ITGB5: variants seen among roughly 807,000 people sequenced by gnomAD.
ITGB5 encodes the protein integrin subunit beta 5.
Under a neutral mutation model 84.8 loss-of-function variants are expected in ITGB5, and 38 were observed. The observed-to-expected ratio is 0.45, with a 90% CI of 0.35 to 0.59. The LOEUF is 0.59. Among genes scored for constraint, ITGB5 ranks in the 20% least tolerant of loss-of-function variants. The probability of loss-of-function intolerance (pLI) is 0.01; values close to 1 mark genes in which losing one functional copy is unlikely to be tolerated. For missense variants in ITGB5, 905 were observed against 1,034.5 expected (o/e 0.87, Z 1.72); for synonymous variants, 393 against 414.4 (o/e 0.95, Z 0.63).
At chr3:124,858,701 C>T (rs1284399273) in intron 3 of ITGB5, among the ~76,000 whole-genome samples, 4 of 152,064 alleles carry the variant, frequency 2.6e-5, no homozygotes, top group East Asian at 1.9e-4. Context: ...AGTTCAGAGT[C>T]GGAAAGTAGA....
At chr3:124,768,615 C>T (rs2063799155) in intron 12 of ITGB5, among the ~76,000 whole-genome samples, 1 of 152,168 alleles carries the variant, frequency 6.6e-6, no homozygotes, top group Admixed American at 6.5e-5. Context: ...TATAGATGGA[C>T]CACACTTTGT....
At chr3:124,797,233 A>G (rs1308782895) in intron 9 of ITGB5, among the ~76,000 whole-genome samples, 2 of 152,072 alleles carry the variant, frequency 1.3e-5, no homozygotes, top group East Asian at 3.9e-4. Flanking sequence ...TGGTGGAAAA[A>G]CATTTCCTGG....
chr3:124,853,385 A>T (rs2065182843), intron 3 of ITGB5, among the ~76,000 whole-genome samples: 1 of 151,974 alleles, frequency 6.6e-6, no homozygotes, highest in Non-Finnish European at 1.5e-5. Context: ...TAGAACAAGG[A>T]TGCCAGGCTG....
At chr3:124,772,654 G>A (rs1038531990) in intron 11 of ITGB5, among the ~76,000 whole-genome samples, 1 of 152,038 alleles carries the variant, frequency 6.6e-6, no homozygotes, top group Non-Finnish European at 1.5e-5. Context: ...TGCTTTCCAG[G>A]GGCATCATTC....
intron 5 of ITGB5, among the ~76,000 whole-genome samples, chr3:124,830,451 G>A (rs755328620): frequency 6.6e-6 from 1 of 152,240 alleles, no homozygotes; most frequent in Non-Finnish European, 1.5e-5. Flanking sequence ...CTTAGAGGGT[G>A]CACTGCTGAG....
chr3:124,790,462 G>A (rs1475461182), intron 10 of ITGB5, among the ~76,000 whole-genome samples: 1 of 148,960 alleles, frequency 6.7e-6, no homozygotes, highest in Non-Finnish European at 1.5e-5. Flanking sequence ...TATCAGAACC[G>A]CCTTTGACTA....
Position 124,821,480 on chromosome 3 carries a change from G to A in ITGB5, c.781-6C>T, listed in dbSNP as rs755840593. 1 of 1,614,078 alleles carries A rather than the reference G, an allele frequency of 6.2e-7. No homozygotes were observed. Among genetic ancestry groups the A allele is most frequent in the South Asian group, 1.1e-5 (1 of 91,080 alleles). On this transcript the variant is annotated splice_polypyrimidine_tract_variant and splice_region_variant and intron_variant, in intron 5 of 14. Transcript: ENST00000296181. ...TTTCGCCAGCCAATCTTCTCCTGAA[G>A]GACAGAAGGTGGATGGGTACACCAG...
chr3:124,837,209 G>A (rs2064947252), intron 5 of ITGB5, among the ~76,000 whole-genome samples: 1 of 152,356 alleles, frequency 6.6e-6, no homozygotes, highest in Middle Eastern at 3.4e-3. Flanking sequence ...CCTAGGCCAA[G>A]GGCGTGCCCT....
chr3:124,813,801 G>A (rs902526738), intron 8 of ITGB5, among the ~76,000 whole-genome samples: 1 of 152,088 alleles, frequency 6.6e-6, no homozygotes, highest in African/African-American at 2.4e-5. Flanking sequence ...GGGCATGACT[G>A]GTCACATCTC....
chr3:124,854,487 A>G (rs1475311379), intron 3 of ITGB5, among the ~76,000 whole-genome samples: 1 of 152,236 alleles, frequency 6.6e-6, no homozygotes, highest in Non-Finnish European at 1.5e-5. Flanking sequence ...CATGTTGCTA[A>G]GTGAAAGAAA....
chr3:124,796,708 G>A lies in ITGB5; in HGVS notation c.1373C>T (p.Thr458Ile). ...GFRDSLEVGV[T>I]YNCTCGCSVG... ...GCTGCAGCCGCACGTGCAGTTGTAG[G>A]TGACCCCCACCTCCAGGCTGTCCCG... The change falls in exon 10 of 15, where the codon ACC becomes ATC. Residue 458 changes from threonine (T) to isoleucine (I), a missense_variant. Transcript: ENST00000296181. 3.1e-6 allele frequency: 5 copies of A among 1,614,040 alleles called. No individual in the cohort carries two copies. Among genetic ancestry groups the A allele is most frequent in the Non-Finnish European group, 4.2e-6 (5 of 1,180,026 alleles).
At chr3:124,820,174 G>T (rs1025700139) in intron 6 of ITGB5, among the ~76,000 whole-genome samples, 7 of 152,176 alleles carry the variant, frequency 4.6e-5, no homozygotes, top group Non-Finnish European at 8.8e-5. Flanking sequence ...CTAGAGAACA[G>T]CCACCACATC....
chr3:124,820,407 G>A (rs571975400), intron 6 of ITGB5, among the ~76,000 whole-genome samples: 63 of 152,344 alleles, frequency 4.1e-4, no homozygotes, highest in African/African-American at 1.4e-3. Flanking sequence ...AGAGGAAGAA[G>A]AGAGGAAGCT....
chr3:124,831,901 G>C lies in ITGB5; in HGVS notation c.780+9482C>G, dbSNP rs573617953. ...CAAGCCCAAGGGAGAAGAGCCGATG[G>C]GTCTGAGACACCCTCCAAATTAGGA... On this transcript the variant is annotated intron_variant, in intron 5 of 14. Coordinates refer to ENST00000296181, the MANE Select transcript of ITGB5 (RefSeq NM_002213.5). Among the ~76,000 whole-genome samples, 30 of 152,246 alleles carry C rather than the reference G, an allele frequency of 2.0e-4. No homozygotes were observed. The South Asian group carries it at 2.9e-3, about 15-fold the overall frequency.
chr3:124,809,842 C>T (rs1221847386), intron 8 of ITGB5, among the ~76,000 whole-genome samples: 1 of 152,046 alleles, frequency 6.6e-6, no homozygotes, highest in East Asian at 1.9e-4. Flanking sequence ...CTATTATTTC[C>T]CAACACTAAG....
chr3:124,764,112 GCT>G (rs1172684639), intron 14 of ITGB5, among the ~76,000 whole-genome samples: 1 of 152,146 alleles, frequency 6.6e-6, no homozygotes, highest in Non-Finnish European at 1.5e-5. Context: ...GTTGGTCTGT[GCT>G]CTCTCTGAGA....
intron 5 of ITGB5, among the ~76,000 whole-genome samples, chr3:124,829,355 G>GCGCGT (rs1263658608): frequency 6.6e-6 from 1 of 152,250 alleles, no homozygotes; most frequent in Non-Finnish European, 1.5e-5. Context: ...AGCGTTAGGA[G>GCGCGT]CGCGTGGGGC....
At chr3:124,846,516 T>C (rs1255968624) in intron 4 of ITGB5, among the ~76,000 whole-genome samples, 4 of 151,730 alleles carry the variant, frequency 2.6e-5, no homozygotes, top group African/African-American at 9.7e-5. Context: ...TAACCTACCA[T>C]GATCCTCAGG....
intron 1 of ITGB5, among the ~76,000 whole-genome samples, chr3:124,874,003 A>G (rs1934183809): frequency 6.6e-6 from 1 of 152,002 alleles, no homozygotes; most frequent in Non-Finnish European, 1.5e-5. Context: ...TCCCAGGAAT[A>G]CAATGTTGAA....
Sources: gnomAD v4.1 joint callset for allele counts (sites outside exome capture counted in the v4.1 genomes callset) on GRCh38, gnomAD v4.1.1 for gene constraint, MANE v1.5 for transcripts, NCBI Gene and HGNC (gene_info 2026-07-23, HGNC 2026-07-21) for gene names.